TTC27: variants seen among roughly 807,000 people sequenced by gnomAD.
The protein encoded by TTC27 is tetratricopeptide repeat domain 27, also known as tetratricopeptide repeat protein 27.
A neutral mutation model predicts 115.9 loss-of-function variants in TTC27; 79 were observed. The ratio of observed to expected loss-of-function variants is 0.68; its 90% CI spans 0.57 to 0.82. The LOEUF is 0.82. Among genes scored for constraint, TTC27 ranks in the 40% least tolerant of loss-of-function variants. The pLI is 0.00. For missense variants in TTC27, 1,054 were observed against 993.1 expected (o/e 1.06, Z -0.82); for synonymous variants, 401 against 356.0 (o/e 1.13, Z -1.42).
At position 32,778,280 on chromosome 2, in the gene TTC27, A is replaced by G. The variant is rs531421948; in HGVS notation, c.1779+300A>G. On this transcript the variant is annotated intron_variant, in intron 14 of 19. Transcript: ENST00000317907. ...AGTATGTCCTGCCTATGTTAATTGC[A>G]TTACTAGAAAGTTATTTTAGGGTGG... Among the ~76,000 whole-genome samples the G allele has an allele frequency of 5.3e-5, 8 of 152,320 alleles. No individual in the cohort carries two copies. In the South Asian group the frequency reaches 1.2e-3, roughly 24 times the overall value.
chr2:32,667,206 C>T lies in TTC27; in HGVS notation c.939+438C>T, dbSNP rs538516401. ...TAAACATTATCAGAATTCCTTTTCA[C>T]TAGTTTTGTGATCGGCCTTTTGTTT... On this transcript the variant is annotated intron_variant, in intron 7 of 19. Transcript: ENST00000317907. Among the ~76,000 whole-genome samples, 5 of 152,134 alleles carry T rather than the reference C, an allele frequency of 3.3e-5. No homozygotes were observed. The South Asian group carries it at 1.0e-3, about 32-fold the overall frequency.
intron 4 of TTC27, 127 bp from the exon 5 acceptor site, chr2:32,650,004 A>G (rs1214916472): frequency 8.4e-6 from 6 of 711,224 alleles, no homozygotes; most frequent in Non-Finnish European, 1.4e-5. Context: ...AGAGTAGTGG[A>G]TGGGTAATCT....
At chr2:32,785,779 A>AGAGACAGGGTTTCATCATGTTGGTC (rs1670328239) in intron 15 of TTC27, among the ~76,000 whole-genome samples, 1 of 152,044 alleles carries the variant, frequency 6.6e-6, no homozygotes, top group African/African-American at 2.4e-5. Context: ...TATTTTTAGT[A>AGAGACAGGGTTTCATCATGTTGGTC]GAGACAGGGT....
intron 2 of TTC27, among the ~76,000 whole-genome samples, chr2:32,633,284 T>C (rs528210922): frequency 3.8e-4 from 58 of 152,328 alleles, no homozygotes; most frequent in Non-Finnish European, 7.1e-4. Flanking sequence ...TAGCCACACT[T>C]AACTATTGAG....
Position 32,790,663 on chromosome 2 carries a change from A to G in TTC27, c.1998+3514A>G, listed in dbSNP as rs377168572. On this transcript the variant is annotated intron_variant, in intron 16 of 19. Transcript: ENST00000317907. ...TGCTGTGCAGAAGATCTCAAACTTA[A>G]TCCTCTGTCTGAAACTTTGTATCCT... 6.9e-4 allele frequency among the ~76,000 whole-genome samples: 105 copies of G among 152,190 alleles called. 1 individual carries two copies. The Middle Eastern group carries it at 0.027, about 39-fold the overall frequency.
intron 13 of TTC27, among the ~76,000 whole-genome samples, chr2:32,760,348 G>A (rs1395855482): frequency 2.6e-5 from 4 of 152,172 alleles, no homozygotes; most frequent in Non-Finnish European, 5.9e-5. Context: ...AAGTCACTGG[G>A]GATGATTTTG....
intron 5 of TTC27, among the ~76,000 whole-genome samples, chr2:32,653,356 AGGCTG>A (rs2151871739): frequency 6.6e-6 from 1 of 152,276 alleles, no homozygotes; most frequent in South Asian, 2.1e-4. Flanking sequence ...GCACTTTGGG[AGGCTG>A]ACGCAGTGGA....
At chr2:32,787,711 A>G (rs1400607140) in intron 16 of TTC27, among the ~76,000 whole-genome samples, 1 of 152,160 alleles carries the variant, frequency 6.6e-6, no homozygotes, top group African/African-American at 2.4e-5. Flanking sequence ...TTTTGGTTTA[A>G]TTGTAGTTGA....
intron 13 of TTC27, among the ~76,000 whole-genome samples, chr2:32,764,980 C>T (rs1310280280): frequency 6.6e-6 from 1 of 152,168 alleles, no homozygotes; most frequent in Non-Finnish European, 1.5e-5. Flanking sequence ...ACTGAAATCT[C>T]GAACGCTTAA....
At chr2:32,677,214 G>A (rs1473403115) in intron 8 of TTC27, among the ~76,000 whole-genome samples, 3 of 152,082 alleles carry the variant, frequency 2.0e-5, no homozygotes, top group African/African-American at 7.2e-5. Flanking sequence ...GTTGTTATAT[G>A]TAGCTGCAAT....
intron 14 of TTC27, among the ~76,000 whole-genome samples, chr2:32,780,314 A>G (rs540864711): frequency 1.3e-5 from 2 of 152,186 alleles, no homozygotes; most frequent in African/African-American, 4.8e-5. Context: ...ACATTTTTCT[A>G]GGTTTCTTTC....
intron 10 of TTC27, among the ~76,000 whole-genome samples, chr2:32,728,090 G>T (rs555212680): frequency 1.4e-5 from 2 of 147,608 alleles, no homozygotes; most frequent in Non-Finnish European, 3.0e-5. Flanking sequence ...GCCCAGGCTG[G>T]AGTGCAGTGG....
chr2:32,782,916 CTTTA>C (rs1206017875), intron 15 of TTC27, among the ~76,000 whole-genome samples: 6 of 152,096 alleles, frequency 3.9e-5, no homozygotes, highest in East Asian at 3.9e-4. Context: ...TACTTGAAAT[CTTTA>C]TTTATTACTG....
intron 5 of TTC27, among the ~76,000 whole-genome samples, chr2:32,655,839 A>G (rs1405486007): frequency 1.3e-5 from 2 of 152,024 alleles, no homozygotes; most frequent in Admixed American, 1.3e-4. Flanking sequence ...TCTGCTAACT[A>G]GAGCTGTACT....
At chr2:32,787,666 G>C (rs1241029489) in intron 16 of TTC27, among the ~76,000 whole-genome samples, 1 of 152,132 alleles carries the variant, frequency 6.6e-6, no homozygotes, top group Non-Finnish European at 1.5e-5. Context: ...ATTCAAAGCT[G>C]TTGTGTCATC....
chr2:32,790,050 A>T (rs1670482517), intron 16 of TTC27, among the ~76,000 whole-genome samples: 1 of 151,992 alleles, frequency 6.6e-6, no homozygotes, highest in Non-Finnish European at 1.5e-5. Flanking sequence ...ATCTAAAAAA[A>T]ATAGCTATAT....
intron 8 of TTC27, among the ~76,000 whole-genome samples, chr2:32,674,898 G>A (rs1253202613): frequency 2.0e-5 from 3 of 151,794 alleles, no homozygotes; most frequent in Non-Finnish European, 1.5e-5. Flanking sequence ...TCCTGACCTC[G>A]TAATCCGCCC....
intron 12 of TTC27, among the ~76,000 whole-genome samples, chr2:32,750,641 T>C (rs1162395289): frequency 6.6e-6 from 1 of 152,220 alleles, no homozygotes; most frequent in Non-Finnish European, 1.5e-5. Context: ...TTGTGTTTCA[T>C]AAAGAAGAGT....
intron 12 of TTC27, among the ~76,000 whole-genome samples, chr2:32,752,265 A>G (rs1174178392): frequency 3.9e-5 from 6 of 152,376 alleles, no homozygotes; most frequent in Admixed American, 2.6e-4. Flanking sequence ...TGTAAAAGGA[A>G]TATCATCTGG....
Sources: gnomAD v4.1 joint callset for allele counts (sites outside exome capture counted in the v4.1 genomes callset) on GRCh38, gnomAD v4.1.1 for gene constraint, MANE v1.5 for transcripts, NCBI Gene and HGNC (gene_info 2026-07-23, HGNC 2026-07-21) for gene names.